The following SLC13A3 variants were observed in gnomAD, a reference collection of about 807,000 sequenced individuals.
SLC13A3 encodes the protein solute carrier family 13 member 3.
SLC13A3 carries 40 observed loss-of-function variants against 59.0 expected under a neutral mutation model. The ratio of observed to expected loss-of-function variants is 0.68; its 90% CI spans 0.53 to 0.88. The LOEUF (loss-of-function observed/expected upper bound fraction) is 0.88, where lower values mean the gene tolerates loss of function less well. Among genes scored for constraint, SLC13A3 ranks in the 40% least tolerant of loss-of-function variants. SLC13A3 has a pLI of 0.00. For synonymous variants in SLC13A3, 317 were observed against 330.3 expected (o/e 0.96, Z 0.44); for missense variants, 699 against 783.2 (o/e 0.89, Z 1.28).
chr20:46,631,822 T>A (rs1190917577), intron 1 of SLC13A3, among the ~76,000 whole-genome samples: 1 of 151,964 alleles, frequency 6.6e-6, no homozygotes, highest in East Asian at 1.9e-4. Context: ...TGTCAGGTGG[T>A]TAATTTTTGA....
upstream of SLC13A3, among the ~76,000 whole-genome samples, chr20:46,671,931 T>C (rs182985034): frequency 6.6e-6 from 1 of 152,354 alleles, no homozygotes; most frequent in East Asian, 1.9e-4. Flanking sequence ...CACATGTCTA[T>C]GACTCCCACT....
intron 1 of SLC13A3, among the ~76,000 whole-genome samples, chr20:46,662,566 G>T (rs1489469378): frequency 6.6e-6 from 1 of 152,218 alleles, no homozygotes; most frequent in African/African-American, 2.4e-5. Flanking sequence ...GTAAGCACCT[G>T]CTATAGCAGG....
chr20:46,570,042 C>G (rs755518896), intron 10 of SLC13A3, among the ~76,000 whole-genome samples: 1 of 152,058 alleles, frequency 6.6e-6, no homozygotes, highest in Non-Finnish European at 1.5e-5. Context: ...AAGAGACCAG[C>G]GAATTTGATT....
chr20:46,638,858 G>A (rs888897234), intron 1 of SLC13A3, among the ~76,000 whole-genome samples: 2 of 152,168 alleles, frequency 1.3e-5, no homozygotes, highest in East Asian at 1.9e-4. Context: ...TAGCAGCATC[G>A]CTGGCCTCTA....
intron 1 of SLC13A3, among the ~76,000 whole-genome samples, chr20:46,663,619 G>A (rs968699748): frequency 5.9e-5 from 9 of 152,122 alleles, no homozygotes; most frequent in African/African-American, 2.2e-4. Context: ...TCCAGTTCAG[G>A]TCCTATTCTA....
chr20:46,658,888 C>G (rs930709378), intron 1 of SLC13A3, among the ~76,000 whole-genome samples: 2 of 152,096 alleles, frequency 1.3e-5, no homozygotes, highest in African/African-American at 4.8e-5. Context: ...GGTGGATTCA[C>G]CTTTCTATCA....
At chr20:46,645,532 G>A (rs1348975498) in intron 1 of SLC13A3, among the ~76,000 whole-genome samples, 1 of 152,182 alleles carries the variant, frequency 6.6e-6, no homozygotes, top group African/African-American at 2.4e-5. Flanking sequence ...CCAGGCTATG[G>A]GTCCAGTATT....
chr20:46,654,949 T>C (rs1446014046), upstream of SLC13A3, among the ~76,000 whole-genome samples: 1 of 152,180 alleles, frequency 6.6e-6, no homozygotes, highest in Non-Finnish European at 1.5e-5. Context: ...GGACATAGAA[T>C]TCTGTTATTT....
At chr20:46,629,081 TG>T (rs2062709446) in intron 1 of SLC13A3, among the ~76,000 whole-genome samples, 2 of 152,248 alleles carry the variant, frequency 1.3e-5, no homozygotes, top group Non-Finnish European at 2.9e-5. Flanking sequence ...ATCTTAGGGA[TG>T]ATATTATGAA....
chr20:46,628,522 G>T (rs371519900), intron 1 of SLC13A3, among the ~76,000 whole-genome samples: 3 of 152,320 alleles, frequency 2.0e-5, no homozygotes, highest in South Asian at 2.1e-4. Flanking sequence ...AAGGAGGCTA[G>T]TCCTAATGAT....
intron 1 of SLC13A3, among the ~76,000 whole-genome samples, chr20:46,634,978 C>T (rs1403096827): frequency 6.6e-6 from 1 of 152,134 alleles, no homozygotes; most frequent in African/African-American, 2.4e-5. Context: ...AATGGGAGGC[C>T]TTTCTCCAGG....
At position 46,643,602 on chromosome 20, in the gene SLC13A3, T is replaced by A. The variant is rs1217674655; in HGVS notation, c.111+7709A>T. 2.0e-5 allele frequency among the ~76,000 whole-genome samples: 3 copies of A among 152,226 alleles called. No individual in the cohort carries two copies. In the East Asian group the frequency reaches 5.8e-4, roughly 29 times the overall value. Reference sequence around the variant, plus strand: ...AGGAAACGGGGACCAGAACTCCTAATAAACATACAGTAAACATGAGCTGTC... The same window carrying A: ...AGGAAACGGGGACCAGAACTCCTAAAAAACATACAGTAAACATGAGCTGTC... On this transcript the variant is annotated intron_variant, in intron 1 of 12. Transcript: ENST00000279027.
chr20:46,635,952 G>A (rs956732931), intron 1 of SLC13A3, among the ~76,000 whole-genome samples: 1 of 152,196 alleles, frequency 6.6e-6, no homozygotes, highest in Non-Finnish European at 1.5e-5. Flanking sequence ...TGCCGTGGCA[G>A]CATCCAGAAG....
intron 5 of SLC13A3, among the ~76,000 whole-genome samples, chr20:46,595,341 T>TA (rs2062300444): frequency 6.6e-6 from 1 of 152,222 alleles, no homozygotes; most frequent in Admixed American, 6.5e-5. Context: ...TTCTTTTTTT[T>TA]AGAGCAGGAG....
intron 1 of SLC13A3, among the ~76,000 whole-genome samples, chr20:46,634,739 C>T (rs117743598): frequency 5.8e-4 from 89 of 152,284 alleles, no homozygotes; most frequent in Non-Finnish European, 5.9e-4. Context: ...GGTGGCCTCA[C>T]TCAGCCTGAG....
intron 1 of SLC13A3, among the ~76,000 whole-genome samples, chr20:46,638,647 G>A (rs2062817786): frequency 6.6e-6 from 1 of 152,230 alleles, no homozygotes; most frequent in Non-Finnish European, 1.5e-5. Context: ...TCCAGGCTGT[G>A]TGCTCACAGG....
upstream of SLC13A3, among the ~76,000 whole-genome samples, chr20:46,655,269 G>A (rs1245507301): frequency 2.0e-5 from 3 of 149,104 alleles, no homozygotes; most frequent in Non-Finnish European, 3.0e-5. Context: ...ATACACATAT[G>A]TATACACATA....
intron 1 of SLC13A3, among the ~76,000 whole-genome samples, chr20:46,632,903 A>AGACG: frequency 1.1e-5 from 1 of 86,978 alleles, no homozygotes; most frequent in African/African-American, 4.9e-5. Flanking sequence ...ATAGATAGAT[A>AGACG]GATAGATATA....
chr20:46,565,800 G>A (rs1419642055), intron 11 of SLC13A3, among the ~76,000 whole-genome samples: 1 of 152,196 alleles, frequency 6.6e-6, no homozygotes, highest in Non-Finnish European at 1.5e-5. Context: ...GTAGTGCACG[G>A]ATCAGCCCCA....
Sources: allele counts gnomAD v4.1 joint callset (sites outside exome capture counted in the v4.1 genomes callset), GRCh38; gene constraint gnomAD v4.1.1; transcripts MANE v1.5; gene names NCBI Gene and HGNC (gene_info 2026-07-23, HGNC 2026-07-21).